The following HDX variants were observed in gnomAD, a reference collection of about 807,000 sequenced individuals.
HDX encodes the protein highly divergent homeobox.
HDX carries 19 observed loss-of-function variants against 45.2 expected under a neutral mutation model. The observed-to-expected ratio is 0.42, with a 90% CI of 0.29 to 0.62. The LOEUF (loss-of-function observed/expected upper bound fraction) is 0.62, where lower values mean the gene tolerates loss of function less well. HDX is among the 20% of genes least tolerant of loss of function. HDX has a pLI of 0.20. For synonymous variants in HDX, 188 were observed against 172.8 expected, an observed-to-expected ratio of 1.09 and a Z score of -0.69; for missense variants, 532 against 493.9, an observed-to-expected ratio of 1.08 and a Z score of -0.73.
intron 4 of HDX, among the ~76,000 whole-genome samples, chrX:84,447,091 T>A (rs1198278642): frequency 9.0e-6 from 1 of 111,248 alleles, no homozygotes; most frequent in Non-Finnish European, 1.9e-5. Flanking sequence ...CATGGACCCT[T>A]GGGGAAAGAG....
chrX:84,436,449 A>G (rs12859000), intron 5 of HDX, among the ~76,000 whole-genome samples: 46,685 of 110,539 alleles, frequency 0.42, 8,014 homozygotes, highest in Middle Eastern at 0.59. Flanking sequence ...CTAGTTTTTG[A>G]TGTAGACATT....
intron 5 of HDX, among the ~76,000 whole-genome samples, chrX:84,394,125 T>C (rs1409840673): frequency 9.0e-6 from 1 of 111,320 alleles, no homozygotes. Context: ...TTGATGAAAG[T>C]GCTTATTGCT....
At chrX:84,346,621 G>T (rs2037212602) in intron 6 of HDX, among the ~76,000 whole-genome samples, 1 of 111,118 alleles carries the variant, frequency 9.0e-6, no homozygotes, top group African/African-American at 3.3e-5. Context: ...GGTGCAAAAA[G>T]AATTTAATAG....
rs758500305 is a variant in HDX, at chrX:84,452,950, A to G, written c.1252-12365T>C. 5.3e-5 allele frequency among the ~76,000 whole-genome samples: 6 copies of G among 112,446 alleles called. No individual in the cohort carries two copies. The South Asian group carries it at 2.2e-3, about 41-fold the overall frequency. ...CTAAGACCTCAAAAGAAAAGGCAACAAAAACAAAAATAGATAAAAGGGACT... is the reference window on the plus strand; with the variant it reads ...CTAAGACCTCAAAAGAAAAGGCAACGAAAACAAAAATAGATAAAAGGGACT... On this transcript the variant is annotated intron_variant, in intron 4 of 10. Coordinates refer to ENST00000373177, the MANE Select transcript of HDX (RefSeq NM_001177479.2).
chrX:84,368,625 C>T (rs906658506), intron 5 of HDX, among the ~76,000 whole-genome samples: 2 of 111,682 alleles, frequency 1.8e-5, no homozygotes, highest in African/African-American at 3.2e-5. Context: ...TGCTTTTCAA[C>T]GTAACATTTG....
intron 5 of HDX, among the ~76,000 whole-genome samples, chrX:84,418,986 C>T (rs1216578379): frequency 9.0e-6 from 1 of 111,662 alleles, no homozygotes; most frequent in Non-Finnish European, 1.9e-5. Context: ...GTCATGAGGC[C>T]CTGTTCCAGG....
At chrX:84,400,711 C>T (rs983139110) in intron 5 of HDX, among the ~76,000 whole-genome samples, 2 of 111,047 alleles carry the variant, frequency 1.8e-5, no homozygotes, top group East Asian at 5.7e-4. Flanking sequence ...ACTTTAAATT[C>T]CATATGGACC....
intron 5 of HDX, among the ~76,000 whole-genome samples, chrX:84,401,499 A>G (rs974462396): frequency 2.7e-5 from 3 of 112,293 alleles, no homozygotes; most frequent in East Asian, 2.8e-4. Flanking sequence ...AATCAAAACC[A>G]CAATGAGATA....
At chrX:84,334,654 A>AT (rs34832469) in intron 8 of HDX, among the ~76,000 whole-genome samples, 32,644 of 88,116 alleles carry the variant, frequency 0.37, 6,644 homozygotes, top group Middle Eastern at 0.62. Context: ...TAATCATGTG[A>AT]TTTTTTTAAA....
At position 84,399,349 on chromosome X, in the gene HDX, A is replaced by T. The variant is rs541432936; in HGVS notation, c.1306-37737T>A. Among the ~76,000 whole-genome samples the T allele has an allele frequency of 1.8e-4, 20 of 111,173 alleles. No homozygotes were observed. In the South Asian group the frequency reaches 7.6e-3, roughly 42 times the overall value. Reference sequence around the variant, plus strand: ...ATAAAGAAGAAAAGAGAGAAGTATCAAATAGACAACAATAAAACATGATAA... The same window carrying T: ...ATAAAGAAGAAAAGAGAGAAGTATCTAATAGACAACAATAAAACATGATAA... On this transcript the variant is annotated intron_variant, in intron 5 of 10. Transcript: ENST00000373177.
At chrX:84,464,445 C>G (rs967791750) in intron 4 of HDX, among the ~76,000 whole-genome samples, 1 of 111,579 alleles carries the variant, frequency 9.0e-6, no homozygotes, top group East Asian at 2.8e-4. Context: ...GCTACAGTAA[C>G]CAAAACAGCA....
intron 5 of HDX, among the ~76,000 whole-genome samples, chrX:84,366,377 G>T (rs769557001): frequency 8.9e-6 from 1 of 112,005 alleles, no homozygotes; most frequent in South Asian, 3.7e-4. Context: ...TGGGTTGGAA[G>T]AATCAATATC....
intron 4 of HDX, among the ~76,000 whole-genome samples, chrX:84,450,439 A>T (rs991745252): frequency 8.0e-5 from 9 of 112,120 alleles, no homozygotes; most frequent in Non-Finnish European, 1.7e-4. Flanking sequence ...CAATAAAAAG[A>T]GAAAAGGAAA....
chrX:84,443,641 C>T (rs1354530130), intron 4 of HDX, among the ~76,000 whole-genome samples: 1 of 111,480 alleles, frequency 9.0e-6, no homozygotes, highest in Non-Finnish European at 1.9e-5. Flanking sequence ...AATATAACAG[C>T]CCCAATTGAA....
chrX:84,495,483 TGAAG>T (rs2040982038), intron 1 of HDX, among the ~76,000 whole-genome samples: 2 of 111,248 alleles, frequency 1.8e-5, no homozygotes, highest in African/African-American at 6.5e-5. Flanking sequence ...AATCAAATAA[TGAAG>T]GATTATCCCC....
intron 5 of HDX, among the ~76,000 whole-genome samples, chrX:84,409,028 A>C (rs2038913323): frequency 9.0e-6 from 1 of 111,357 alleles, no homozygotes; most frequent in Admixed American, 9.6e-5. Context: ...ATTTACAAGA[A>C]AGAAACAAAC....
intron 5 of HDX, among the ~76,000 whole-genome samples, chrX:84,382,170 G>A (rs1277685290): frequency 2.7e-5 from 3 of 111,631 alleles, no homozygotes; most frequent in Non-Finnish European, 5.7e-5. Flanking sequence ...AGCTAAAGTG[G>A]CTTGTATCCA....
intron 6 of HDX, among the ~76,000 whole-genome samples, chrX:84,348,315 T>C (rs2037252715): frequency 9.0e-6 from 1 of 111,599 alleles, no homozygotes. Context: ...ATTTGTTTTT[T>C]ATCCTTTCTT....
chrX:84,335,025 G>A (rs1248899167), intron 8 of HDX, among the ~76,000 whole-genome samples: 3 of 111,119 alleles, frequency 2.7e-5, no homozygotes, highest in South Asian at 3.7e-4. Flanking sequence ...AATATATTGC[G>A]TATGAGGATA....
Sources: allele counts gnomAD v4.1 joint callset (sites outside exome capture counted in the v4.1 genomes callset), GRCh38; gene constraint gnomAD v4.1.1; transcripts MANE v1.5; gene names NCBI Gene and HGNC (gene_info 2026-07-23, HGNC 2026-07-21).